The following RTEL1 variants were observed in gnomAD, a reference collection of about 807,000 sequenced individuals.
RTEL1 encodes the protein regulator of telomere length.
Under a neutral mutation model 162.2 loss-of-function variants are expected in RTEL1, and 86 were observed. That is an observed-to-expected ratio of 0.53 (90% CI 0.45 to 0.63). The LOEUF is 0.63. Ranked by LOEUF, RTEL1 falls within the 30% of genes least tolerant of loss-of-function variation. The pLI is 0.00. For synonymous variants in RTEL1, 958 were observed against 717.9 expected (o/e 1.33, Z -5.35); for missense variants, 1,941 against 1,750.2 (o/e 1.11, Z -1.95).
In RTEL1 at chr20:63,693,570, T is replaced by TCCA. The variant is rs2090862568; in HGVS notation, c.2992+290_2992+292dup. Among the ~76,000 whole-genome samples, 5 of 5,740 alleles carry TCCA rather than the reference T, an allele frequency of 8.7e-4. 1 individual carries two copies. Among genetic ancestry groups the TCCA allele is most frequent in the Admixed American group, 5.9e-3 (2 of 338 alleles). The allele number at this position is 5,740 out of a possible 152,430, so 3.8% of individuals were successfully genotyped here. On this transcript the variant is annotated intron_variant, in intron 30 of 34. Transcript: ENST00000360203. ...CACCACCACCTCCACCTCCACCACC[T>TCCA]CCACCTCCACCACCACCACCTCCAC...
rs953502695 is a variant in RTEL1 at position 63,694,705 on chromosome 20, C to T, written c.3110-36C>T. The T allele has an allele frequency of 2.6e-6, 4 of 1,531,316 alleles. No homozygotes were observed. In the African/African-American group the frequency reaches 4.1e-5, roughly 16 times the overall value. 94.9% of individuals were successfully genotyped at this position (1,531,316 alleles called of 1,614,324 possible). On this transcript the variant is annotated intron_variant, in intron 31 of 34. Transcript: ENST00000360203. The stretch of plus-strand genomic sequence containing the variant: ...GCGGTGGGACTCTCAGTCCTCCACC[C>T]CAGCGCCACTCTGAGCCATGCTACT...
intron 14 of RTEL1, 192 bp downstream of exon 14, chr20:63,680,911 G>A: frequency 1.0e-6 from 1 of 985,104 alleles, no homozygotes; most frequent in South Asian, 4.7e-5. Flanking sequence ...CAGGGATGGG[G>A]GAGGACGAGG....
intron 28 of RTEL1, chr20:63,692,073 G>T: frequency 2.0e-6 from 1 of 503,190 alleles, no homozygotes; most frequent in Admixed American, 3.4e-5. Context: ...TTTGGCATGG[G>T]GCCTGCAGCA....
chr20:63,678,234 G>T (rs1338203699), intron 11 of RTEL1, 34 bp from the exon 12 acceptor site: 4 of 1,612,720 alleles, frequency 2.5e-6, no homozygotes, highest in South Asian at 1.1e-5. Context: ...CCTCCTCCTT[G>T]CGAGGAGGTG....
chr20:63,667,053 A>C (rs560861409), intron 7 of RTEL1, among the ~76,000 whole-genome samples: 25 of 147,494 alleles, frequency 1.7e-4, no homozygotes, highest in African/African-American at 1.0e-4. Context: ...GTTAGCCAGG[A>C]TGGTCTCGAT....
At position 63,678,138 on chromosome 20, in the gene RTEL1, T is replaced by C. The variant is rs1333895704; in HGVS notation, c.920-7T>C. On this transcript the variant is annotated splice_polypyrimidine_tract_variant and splice_region_variant and intron_variant, in intron 10 of 34. Coordinates refer to ENST00000360203, the MANE Select transcript of RTEL1 (RefSeq NM_001283009.2). ...CAGACTGCCTTTGCTGCCTTTCTCT[T>C]GCCCAGGGCTGAACATGGAGCTGGA... 2 of 1,614,214 alleles carry C rather than the reference T, an allele frequency of 1.2e-6. No homozygotes were observed. Among genetic ancestry groups the C allele is most frequent in the Admixed American group, 3.3e-5 (2 of 60,020 alleles).
Position 63,688,442 on chromosome 20 carries a change from G to A in RTEL1, c.1722+56G>A, listed in dbSNP as rs900571965. The stretch of plus-strand genomic sequence containing the variant: ...GGTGAGGGCAGGGCTGGAGCATGAA[G>A]CAGGCAGTGGTCACAGCTCCTGCTT... On this transcript the variant is annotated intron_variant, in intron 20 of 34. Coordinates refer to ENST00000360203, the MANE Select transcript of RTEL1 (RefSeq NM_001283009.2). 6.2e-6 allele frequency: 10 copies of A among 1,606,282 alleles called. No homozygotes were observed. In the Admixed American group the frequency reaches 1.7e-4, roughly 27 times the overall value.
chr20:63,688,219 C>G (rs934607192), intron 19 of RTEL1, 40 bp downstream of exon 19: 3 of 1,610,108 alleles, frequency 1.9e-6, no homozygotes, highest in African/African-American at 2.7e-5. Context: ...CATCCTGGAT[C>G]CTGGACCCCT....
Position 63,668,467 on chromosome 20 carries a change from T to C in RTEL1, c.699+914T>C, listed in dbSNP as rs1330350125. The stretch of plus-strand genomic sequence containing the variant: ...GAGTAAGCACGTGAGCTGATGATAC[T>C]GAAGGGAAATAGAGCAGAGGGAGGA... On this transcript the variant is annotated intron_variant, in intron 8 of 34. Transcript: ENST00000360203. This position sits in a 1 kb window ranked among gnomAD's most constrained non-coding sequence, Gnocchi z 4.3. 6.6e-6 allele frequency among the ~76,000 whole-genome samples: 1 copy of C among 151,988 alleles called. No homozygotes were observed. The highest frequency in any genetic ancestry group is 1.5e-5 in the Non-Finnish European group (1 of 68,008).
intron 14 of RTEL1, chr20:63,681,338 C>T (rs1035319331): frequency 1.0e-5 from 10 of 985,262 alleles, no homozygotes; most frequent in South Asian, 4.7e-5. Flanking sequence ...GCTCTGGGCA[C>T]GTTGCCTCTC....
At chr20:63,695,722 C>T (rs1601201321) in intron 34 of RTEL1, 56 bp from the exon 35 acceptor site, 14 of 1,602,624 alleles carry the variant, frequency 8.7e-6, no homozygotes, top group South Asian at 1.1e-5. Context: ...AAGGGCAGGC[C>T]CTTGTCCTGG....
chr20:63,669,413 A>C (rs2090203290), intron 8 of RTEL1, among the ~76,000 whole-genome samples: 1 of 152,252 alleles, frequency 6.6e-6, no homozygotes. Flanking sequence ...CCATGAAGAA[A>C]AACATTAAAA....
intron 14 of RTEL1, 115 bp downstream of exon 14, chr20:63,680,834 C>A: frequency 6.5e-7 from 1 of 1,532,012 alleles, no homozygotes; most frequent in Non-Finnish European, 8.9e-7. Context: ...GGCCCCTACA[C>A]CACCTGTTTC....
intron 7 of RTEL1, among the ~76,000 whole-genome samples, chr20:63,667,069 G>C (rs1376435020): frequency 6.6e-6 from 1 of 151,886 alleles, no homozygotes; most frequent in East Asian, 1.9e-4. Flanking sequence ...TCGATCTTCT[G>C]ACCTTGTGAT....
intron 30 of RTEL1, among the ~76,000 whole-genome samples, chr20:63,694,077 G>A (rs772672483): frequency 1.6e-4 from 25 of 152,176 alleles, no homozygotes; most frequent in African/African-American, 3.6e-4. Flanking sequence ...CTGTTGGGAC[G>A]ACCCCAGATC....
At position 63,661,348 on chromosome 20, in the gene RTEL1, C is replaced by G; in HGVS notation, c.153C>G (p.Cys51Trp). 6.2e-7 allele frequency: 1 copy of G among 1,613,266 alleles called. No homozygotes were observed. The highest frequency in any genetic ancestry group is 1.1e-5 in the South Asian group (1 of 91,040). ...CTACGGGTACAGGGAAGACGCTGTGCCTGCTGTGCACCACGCTGGCCTGGC... is the reference window on the plus strand; with the variant it reads ...CTACGGGTACAGGGAAGACGCTGTGGCTGCTGTGCACCACGCTGGCCTGGC... ...ESPTGTGKTL[C>W]LLCTTLAWRE... Residue 51 changes from cysteine to tryptophan, a missense_variant, in exon 3 of 35, where the codon TGC becomes TGG. Transcript: ENST00000360203. This position sits in a 1 kb window ranked among gnomAD's most constrained non-coding sequence, Gnocchi z 5.1.
chr20:63,688,832 T>C lies in RTEL1; in HGVS notation c.1801-223T>C. 4.7e-6 allele frequency: 3 copies of C among 636,236 alleles called. No individual in the cohort carries two copies. The East Asian group carries it at 8.2e-5, about 17-fold the overall frequency. The allele number at this position is 636,236 out of a possible 1,614,324, so 39.4% of individuals were successfully genotyped here. On this transcript the variant is annotated intron_variant, in intron 21 of 34. Transcript: ENST00000360203. ...AGTGGCCCTCCTGTCTGAGTAGCCCTAGTCGGCCACCCTGGCCCTGGGGTT... is the reference window on the plus strand; with the variant it reads ...AGTGGCCCTCCTGTCTGAGTAGCCCCAGTCGGCCACCCTGGCCCTGGGGTT...
At chr20:63,673,445 T>C (rs181983437) in intron 9 of RTEL1, among the ~76,000 whole-genome samples, 1 of 152,196 alleles carries the variant, frequency 6.6e-6, no homozygotes, top group South Asian at 2.1e-4. Context: ...AATAATTGTT[T>C]GTTTGTTTGT....
Position 63,695,592 on chromosome 20 carries a change from TC to T in RTEL1, c.3766del (p.Gln1256SerfsTer108), listed in dbSNP as rs2090959483. The T allele has an allele frequency of 6.2e-7, 1 of 1,611,906 alleles. No homozygotes were observed. Among genetic ancestry groups the T allele is most frequent in the Non-Finnish European group, 8.5e-7 (1 of 1,179,896 alleles). On this transcript the variant is annotated frameshift_variant, in exon 34 of 35. Transcript: ENST00000360203. LOFTEE classifies it high-confidence loss of function. ...TGTGGGGCAGAGGACGTGGTGCCCTTCCAGTGCCCTGCCTGTGACTTCCAGC... is the reference window on the plus strand; with the variant it reads ...TGTGGGGCAGAGGACGTGGTGCCCTTCAGTGCCCTGCCTGTGACTTCCAGC... ...QGCGAEDVVP[F>X]QCPACDFQRC...
Sources: gnomAD v4.1 joint callset for allele counts (sites outside exome capture counted in the v4.1 genomes callset) on GRCh38, gnomAD v4.1.1 for gene constraint, Gnocchi (gnomAD v3.1) non-coding constraint, MANE v1.5 for transcripts, NCBI Gene and HGNC (gene_info 2026-07-23, HGNC 2026-07-21) for gene names.